Variants in DACH1 observed in about 807,000 individuals in gnomAD.
The protein encoded by DACH1 is dachshund family transcription factor 1, also known as dachshund homolog 1.
Under a neutral mutation model 54.2 loss-of-function variants are expected in DACH1, and 12 were observed. The observed-to-expected ratio is 0.22, with a 90% confidence interval of 0.14 to 0.36. DACH1 has a LOEUF of 0.36. DACH1 is among the 10% of genes least tolerant of loss of function. The pLI is 1.00. For missense variants in DACH1, 805 were observed against 929.8 expected, an observed-to-expected ratio of 0.87 and a Z score of 1.75; for synonymous variants, 386 against 366.2, an observed-to-expected ratio of 1.05 and a Z score of -0.62.
chr13:71,533,824 A>C lies in DACH1; in HGVS notation c.1570+23200T>G, dbSNP rs1216247348. Among the ~76,000 whole-genome samples the C allele has an allele frequency of 3.3e-5, 5 of 151,870 alleles. No homozygotes were observed. In the East Asian group the frequency reaches 9.7e-4, roughly 29 times the overall value. On this transcript the variant is annotated intron_variant, in intron 6 of 10. Transcript: ENST00000613252. The stretch of plus-strand genomic sequence containing the variant: ...TATTGATAGCTAGGTATCCAGAATA[A>C]AAGAGTACTGAGGAATAGCATCAGT...
intron 1 of DACH1, among the ~76,000 whole-genome samples, chr13:71,787,909 A>T (rs1302300756): frequency 1.3e-5 from 2 of 152,208 alleles, no homozygotes; most frequent in Non-Finnish European, 1.5e-5. Flanking sequence ...AACAAAAGAT[A>T]AATGTTTAGG....
chr13:71,766,124 G>A (rs1885617914), intron 1 of DACH1, among the ~76,000 whole-genome samples: 1 of 152,044 alleles, frequency 6.6e-6, no homozygotes, highest in African/African-American at 2.4e-5. Context: ...CTGACCTCGT[G>A]ATCCGTCCGC....
At chr13:71,589,635 T>C (rs1425410397) in intron 3 of DACH1, among the ~76,000 whole-genome samples, 1 of 151,964 alleles carries the variant, frequency 6.6e-6, no homozygotes. Context: ...TTTGGGGATA[T>C]AGCTTTAAAT....
intron 1 of DACH1, chr13:71,846,252 A>G (rs149218842): frequency 4.1e-4 from 104 of 252,126 alleles, no homozygotes; most frequent in African/African-American, 2.2e-3. Context: ...CAAATTCCGA[A>G]GCAATCTTCC....
chr13:71,595,220 T>C (rs1266481576), intron 3 of DACH1, among the ~76,000 whole-genome samples: 1 of 152,022 alleles, frequency 6.6e-6, no homozygotes, highest in African/African-American at 2.4e-5. Context: ...GGAGCCCTGT[T>C]TGGCTGGAGG....
chr13:71,660,539 A>G (rs563459563), intron 2 of DACH1, among the ~76,000 whole-genome samples: 1 of 152,056 alleles, frequency 6.6e-6, no homozygotes, highest in Non-Finnish European at 1.5e-5. Context: ...TGGGACGAGC[A>G]GAGGCATGGA....
Position 71,866,080 on chromosome 13 carries a change from G to A in DACH1, c.690C>T (p.Tyr230=). 1 of 1,613,892 alleles carries A rather than the reference G, an allele frequency of 6.2e-7. No homozygotes were observed. The highest frequency in any genetic ancestry group is 8.5e-7 in the Non-Finnish European group (1 of 1,179,976). ...KHLVGGLHTV[Y]TKLKRLEITP... Reference sequence around the variant, plus strand: ...TGATCTCCAGCCGCTTCAGCTTGGTGTAGACCGTATGCAAGCCCCCCACCA... The same window carrying A: ...TGATCTCCAGCCGCTTCAGCTTGGTATAGACCGTATGCAAGCCCCCCACCA... Residue 230 remains tyrosine, a synonymous_variant, in exon 1 of 11, where the codon TAC becomes TAT. Coordinates refer to ENST00000613252, the MANE Select transcript of DACH1 (RefSeq NM_080759.6).
At chr13:71,856,833 C>T (rs1213443520) in intron 1 of DACH1, among the ~76,000 whole-genome samples, 4 of 151,824 alleles carry the variant, frequency 2.6e-5, no homozygotes, top group African/African-American at 9.7e-5. Flanking sequence ...AATTATAGTC[C>T]ACTGCAAGAA....
intron 1 of DACH1, among the ~76,000 whole-genome samples, chr13:71,852,364 C>CTT (rs71748292): frequency 6.9e-6 from 1 of 145,318 alleles, no homozygotes; most frequent in African/African-American, 2.5e-5. Flanking sequence ...TAAAGTGCTG[C>CTT]TTTTTTTTTT....
intron 1 of DACH1, among the ~76,000 whole-genome samples, chr13:71,754,357 C>G (rs1010401977): frequency 6.6e-6 from 1 of 152,158 alleles, no homozygotes; most frequent in Non-Finnish European, 1.5e-5. Flanking sequence ...ATTTACCTTT[C>G]CTTGCCCCCT....
chr13:71,760,452 C>CT (rs1885359210), intron 1 of DACH1, among the ~76,000 whole-genome samples: 1 of 152,128 alleles, frequency 6.6e-6, no homozygotes, highest in Non-Finnish European at 1.5e-5. Context: ...ACAAGGGGGA[C>CT]CTATTACACT....
intron 1 of DACH1, among the ~76,000 whole-genome samples, chr13:71,790,236 AAAAC>A (rs1289313593): frequency 2.0e-5 from 3 of 152,180 alleles, no homozygotes; most frequent in Admixed American, 6.5e-5. Flanking sequence ...GTGCAAAAGA[AAAAC>A]AAACGAATGC....
chr13:71,715,172 T>C (rs890795215), intron 1 of DACH1, among the ~76,000 whole-genome samples: 1 of 152,108 alleles, frequency 6.6e-6, no homozygotes, highest in African/African-American at 2.4e-5. Flanking sequence ...CCTGTACTTA[T>C]TCCATTATAC....
intron 1 of DACH1, among the ~76,000 whole-genome samples, chr13:71,827,997 T>C (rs1203767497): frequency 6.6e-6 from 1 of 151,988 alleles, no homozygotes; most frequent in Non-Finnish European, 1.5e-5. Flanking sequence ...TTTATAATTC[T>C]TCTGATAGCT....
intron 1 of DACH1, among the ~76,000 whole-genome samples, chr13:71,754,982 T>C (rs1262393488): frequency 1.3e-5 from 2 of 152,182 alleles, no homozygotes; most frequent in Non-Finnish European, 2.9e-5. Flanking sequence ...CATCATAAAC[T>C]ACTTTATCTC....
chr13:71,484,406 G>A (rs1245340045), intron 7 of DACH1, among the ~76,000 whole-genome samples: 2 of 152,008 alleles, frequency 1.3e-5, no homozygotes, highest in African/African-American at 4.8e-5. Context: ...GCCTCAAGTG[G>A]TCTTATTGCC....
intron 3 of DACH1, among the ~76,000 whole-genome samples, chr13:71,592,524 A>G (rs1180260561): frequency 1.3e-5 from 2 of 149,578 alleles, no homozygotes; most frequent in African/African-American, 4.9e-5. Flanking sequence ...AAAAGAAAAG[A>G]AAAAAAGAAA....
chr13:71,662,189 G>T (rs1223539243), intron 2 of DACH1, among the ~76,000 whole-genome samples: 2 of 152,024 alleles, frequency 1.3e-5, no homozygotes, highest in African/African-American at 4.8e-5. Flanking sequence ...ATAGACTTCA[G>T]TGAATCACCA....
intron 3 of DACH1, among the ~76,000 whole-genome samples, chr13:71,577,063 T>G (rs1885574964): frequency 6.6e-6 from 1 of 152,162 alleles, no homozygotes; most frequent in Non-Finnish European, 1.5e-5. Flanking sequence ...ACTTCCTAAC[T>G]GCACAAGTCC....
Sources: gnomAD v4.1 joint callset for allele counts (sites outside exome capture counted in the v4.1 genomes callset) on GRCh38, gnomAD v4.1.1 for gene constraint, MANE v1.5 for transcripts, NCBI Gene and HGNC (gene_info 2026-07-23, HGNC 2026-07-21) for gene names.